YARS1: variants seen among roughly 807,000 people sequenced by gnomAD.
The protein encoded by YARS1 is tyrosine--tRNA ligase, cytoplasmic.
Under a neutral mutation model 62.2 loss-of-function variants are expected in YARS1, and 36 were observed. The observed-to-expected ratio is 0.58, with a 90% CI of 0.44 to 0.76. The LOEUF (loss-of-function observed/expected upper bound fraction) is 0.76, where lower values mean the gene tolerates loss of function less well. Ranked by LOEUF, YARS1 falls within the 30% of genes least tolerant of loss-of-function variation. The pLI is 0.00. For synonymous variants in YARS1, 234 were observed against 244.9 expected, an observed-to-expected ratio of 0.96 and a Z score of 0.42; for missense variants, 524 against 639.8, an observed-to-expected ratio of 0.82 and a Z score of 1.95.
chr1:32,813,083 C>A (rs1638622297), intron 1 of YARS1, among the ~76,000 whole-genome samples: 1 of 151,858 alleles, frequency 6.6e-6, no homozygotes, highest in Non-Finnish European at 1.5e-5. Flanking sequence ...GTCAGGAAAT[C>A]TTTGAATCCA....
intron 4 of YARS1, among the ~76,000 whole-genome samples, chr1:32,803,085 C>T (rs1431263568): frequency 1.3e-5 from 2 of 149,810 alleles, no homozygotes; most frequent in Admixed American, 6.7e-5. Context: ...CGGGTTCAAG[C>T]GACTGTCCTG....
chr1:32,814,024 C>T (rs1012242970), intron 1 of YARS1, among the ~76,000 whole-genome samples: 3 of 152,174 alleles, frequency 2.0e-5, no homozygotes, highest in African/African-American at 7.2e-5. Flanking sequence ...TAACTGATCC[C>T]CTTCAGTTGC....
At position 32,816,995 on chromosome 1, in the gene YARS1, T is replaced by C. The variant is rs1230972126; in HGVS notation, c.57+193A>G. 7.2e-6 allele frequency: 5 copies of C among 696,018 alleles called. No individual in the cohort carries two copies. The East Asian group carries it at 8.1e-5, about 11-fold the overall frequency. 43.1% of individuals were successfully genotyped at this position (696,018 alleles called of 1,614,324 possible). A position where few individuals can be genotyped will look rare whatever the true frequency, so the allele number is the denominator to read the frequency against. On this transcript the variant is annotated intron_variant, in intron 1 of 12. Coordinates refer to ENST00000373477, the MANE Select transcript of YARS1 (RefSeq NM_003680.4). ...CTGGACGCAAGAGGTGAGCCCACTG[T>C]GATTTCTGGGGAACCCAGGGAAGGG... is the stretch of plus-strand genomic sequence containing the variant.
rs760914990 is a variant in YARS1, at chr1:32,786,438, A to C, written c.830T>G (p.Ile277Ser). 1 of 1,613,746 alleles carries C rather than the reference A, an allele frequency of 6.2e-7. No homozygotes were observed. Among genetic ancestry groups the C allele is most frequent in the Admixed American group, 1.7e-5 (1 of 59,970 alleles). Residue 277 changes from isoleucine to serine, a missense_variant, in exon 8 of 13, where the codon ATC (isoleucine) becomes AGC (serine). Transcript: ENST00000373477. ...VLFPLKSEFV[I>S]LRDEKWGGNK... is the part of the protein sequence containing the mutation. ...TCCACCCCATTTCTCATCTCGTAGG[A>C]TCACAAACTCTATAAGGAAAAGGAT...
chr1:32,789,513 G>A (rs1653344304), intron 6 of YARS1, among the ~76,000 whole-genome samples: 1 of 152,006 alleles, frequency 6.6e-6, no homozygotes, highest in Admixed American at 6.6e-5. Context: ...GCTCACATGT[G>A]ACAGTATATG....
At chr1:32,816,918 GGGGGGTGGAAT>G in intron 1 of YARS1, 1 of 587,044 alleles carries the variant, frequency 1.7e-6, no homozygotes, top group Non-Finnish European at 3.0e-6. Context: ...GCACTTAATA[GGGGGGTGGAAT>G]GGGAGTCCTG....
chr1:32,786,809 A>G (rs1653242578), intron 7 of YARS1, 131 bp downstream of exon 7: 3 of 1,223,008 alleles, frequency 2.5e-6, no homozygotes, highest in South Asian at 2.8e-5. Flanking sequence ...ACTTTAATAT[A>G]TAAGAAATCA....
intron 4 of YARS1, among the ~76,000 whole-genome samples, chr1:32,803,519 C>T (rs1003907021): frequency 1.3e-5 from 2 of 152,112 alleles, no homozygotes; most frequent in African/African-American, 4.8e-5. Flanking sequence ...GCATTAGCTC[C>T]TAACAAGAGA....
At chr1:32,794,637 G>A (rs1653514943) in intron 5 of YARS1, among the ~76,000 whole-genome samples, 1 of 152,068 alleles carries the variant, frequency 6.6e-6, no homozygotes, top group East Asian at 2.0e-4. Context: ...TGATCTGCCT[G>A]TCTTGGCCTC....
intron 3 of YARS1, among the ~76,000 whole-genome samples, chr1:32,809,962 C>A (rs1036761822): frequency 7.2e-5 from 11 of 151,892 alleles, no homozygotes; most frequent in Admixed American, 7.2e-4. Context: ...AAAAATTAGC[C>A]GGGTGTGGTG....
chr1:32,775,965 G>T lies in YARS1; in HGVS notation c.*16C>A. 3.8e-6 allele frequency: 6 copies of T among 1,598,264 alleles called. No individual in the cohort carries two copies. The highest frequency in any genetic ancestry group is 5.1e-6 in the Non-Finnish European group (6 of 1,165,752). On this transcript the variant is annotated 3_prime_UTR_variant, in exon 13 of 13. Transcript: ENST00000373477. ...ATGACTCAGTGGTGGAAGAAGGGGG[G>T]AAGATGCTGGGCTGGCTAGCTAATG...
At position 32,803,129 on chromosome 1, in the gene YARS1, C is replaced by T. The variant is rs150373577; in HGVS notation, c.510+3353G>A. ...TCCTGAGTAGCTGGGACTACAGTTGCGCACCACCATGCCCGGCTAATTAAT... is the reference window on the plus strand; with the variant it reads ...TCCTGAGTAGCTGGGACTACAGTTGTGCACCACCATGCCCGGCTAATTAAT... On this transcript the variant is annotated intron_variant, in intron 4 of 12. Transcript: ENST00000373477. Among the ~76,000 whole-genome samples the T allele has an allele frequency of 8.4e-4, 127 of 151,890 alleles. 1 individual carries two copies. The highest frequency in any genetic ancestry group is 6.8e-3 in the Middle Eastern group (2 of 294).
In YARS1 at chr1:32,782,343, C is replaced by T. The variant is rs542835804; in HGVS notation, c.1042+61G>A. ...CCCTCAATTTAAGACAGGCATTTTT[C>T]CAAGGCTCATTGACAAGCTCTCTCT... On this transcript the variant is annotated intron_variant, in intron 9 of 12. Transcript: ENST00000373477. 220 of 1,613,296 alleles carry T rather than the reference C, an allele frequency of 1.4e-4. 1 individual carries two copies. The African/African-American group carries it at 2.7e-3, about 20-fold the overall frequency.
Position 32,776,624 on chromosome 1 carries a change from C to A in YARS1, c.1477-533G>T, listed in dbSNP as rs1652868891. On this transcript the variant is annotated intron_variant, in intron 12 of 12. Coordinates refer to ENST00000373477, the MANE Select transcript of YARS1 (RefSeq NM_003680.4). The surrounding 1 kb of genome is among the most constrained non-coding windows in gnomAD (Gnocchi z 4.0). ...GCATGAAGACATCTGTCACATCTGT[C>A]ACATCATTCTAACAGTGAAAAACCA... Among the ~76,000 whole-genome samples, 1 of 152,198 alleles carries A rather than the reference C, an allele frequency of 6.6e-6. No homozygotes were observed. The highest frequency in any genetic ancestry group is 2.1e-4 in the South Asian group (1 of 4,828).
intron 4 of YARS1, among the ~76,000 whole-genome samples, chr1:32,805,101 G>A (rs557116147): frequency 2.6e-5 from 4 of 151,928 alleles, no homozygotes; most frequent in Non-Finnish European, 4.4e-5. Flanking sequence ...GGCGGCACGC[G>A]CCTGCAATCC....
At chr1:32,814,838 C>T (rs1193555568) in intron 1 of YARS1, among the ~76,000 whole-genome samples, 3 of 152,190 alleles carry the variant, frequency 2.0e-5, no homozygotes, top group African/African-American at 4.8e-5. Context: ...CAGTGTACCC[C>T]GATAAGAGGT....
chr1:32,806,646 C>A, intron 3 of YARS1, 35 bp from the exon 4 acceptor site: 1 of 1,613,986 alleles, frequency 6.2e-7, no homozygotes. Flanking sequence ...AGCTGTAAAC[C>A]TGGGCCTAGG....
chr1:32,804,989 G>A (rs1425483880), intron 4 of YARS1, among the ~76,000 whole-genome samples: 2 of 152,182 alleles, frequency 1.3e-5, no homozygotes, highest in Admixed American at 6.5e-5. Flanking sequence ...CCGGCACCTC[G>A]GGACGCCGAG....
intron 4 of YARS1, among the ~76,000 whole-genome samples, chr1:32,799,182 G>A (rs1374852155): frequency 6.6e-6 from 1 of 152,164 alleles, no homozygotes; most frequent in Non-Finnish European, 1.5e-5. Flanking sequence ...AAGGCACAGA[G>A]GTGTGAAGTG....
Sources: gnomAD v4.1 joint callset for allele counts (sites outside exome capture counted in the v4.1 genomes callset) on GRCh38, gnomAD v4.1.1 for gene constraint, Gnocchi (gnomAD v3.1) non-coding constraint, MANE v1.5 for transcripts, NCBI Gene and HGNC (gene_info 2026-07-23, HGNC 2026-07-21) for gene names.